Variants in ZNF804A observed in about 807,000 individuals in gnomAD.
The protein encoded by ZNF804A is zinc finger protein 804A.
Under a neutral mutation model 16.5 loss-of-function variants are expected in ZNF804A, and 2 were observed. The observed-to-expected ratio is 0.12, with a 90% CI of 0.05 to 0.38. The LOEUF is 0.38. ZNF804A is among the 10% of genes least tolerant of loss of function. The pLI, the probability that ZNF804A is intolerant of heterozygous loss-of-function variation, is 0.99. For synonymous variants in ZNF804A, 534 were observed against 489.6 expected (o/e 1.09, Z -1.20); for missense variants, 1,473 against 1,390.7 (o/e 1.06, Z -0.94).
intron 1 of ZNF804A, among the ~76,000 whole-genome samples, chr2:184,700,970 A>G (rs1438406911): frequency 6.6e-6 from 1 of 151,994 alleles, no homozygotes; most frequent in Non-Finnish European, 1.5e-5. Context: ...TAGGGAGAAC[A>G]TTCAGAATCC....
intron 3 of ZNF804A, 86 bp from the exon 4 acceptor site, chr2:184,935,697 A>G (rs1685772689): frequency 1.4e-6 from 2 of 1,420,054 alleles, no homozygotes; most frequent in East Asian, 2.5e-5. Context: ...AAAATATTAT[A>G]ATGACTTTTT....
At chr2:184,893,617 A>G (rs1685019716) in intron 2 of ZNF804A, among the ~76,000 whole-genome samples, 1 of 152,128 alleles carries the variant, frequency 6.6e-6, no homozygotes. Flanking sequence ...AATATTTCCT[A>G]ATCTTATTAC....
chr2:184,722,323 T>C (rs1278602340), intron 1 of ZNF804A, among the ~76,000 whole-genome samples: 2 of 152,042 alleles, frequency 1.3e-5, no homozygotes, highest in Admixed American at 1.3e-4. Context: ...TTATGCCGTG[T>C]TTAAGATGGC....
chr2:184,773,643 G>T (rs1694249178), intron 1 of ZNF804A, among the ~76,000 whole-genome samples: 1 of 151,810 alleles, frequency 6.6e-6, no homozygotes, highest in Admixed American at 6.6e-5. Context: ...GAACTTTGGG[G>T]ACTGAGGGAA....
At chr2:184,656,244 T>C (rs1692071511) in intron 1 of ZNF804A, among the ~76,000 whole-genome samples, 1 of 152,134 alleles carries the variant, frequency 6.6e-6, no homozygotes, top group South Asian at 2.1e-4. Context: ...CTAGATATTT[T>C]CTCTGGAACC....
At chr2:184,880,538 C>T (rs1462870313) in intron 2 of ZNF804A, among the ~76,000 whole-genome samples, 1 of 152,026 alleles carries the variant, frequency 6.6e-6, no homozygotes, top group Non-Finnish European at 1.5e-5. Context: ...CTAGTATCAT[C>T]AATTCTTCAT....
intron 1 of ZNF804A, among the ~76,000 whole-genome samples, chr2:184,818,916 T>C (rs1695026647): frequency 6.6e-6 from 1 of 152,104 alleles, no homozygotes; most frequent in Non-Finnish European, 1.5e-5. Context: ...ATAAAGGAAG[T>C]TCTTAGAGAC....
At chr2:184,746,010 A>AT (rs1303945811) in intron 1 of ZNF804A, among the ~76,000 whole-genome samples, 1 of 151,540 alleles carries the variant, frequency 6.6e-6, no homozygotes, top group Non-Finnish European at 1.5e-5. Context: ...ATTAAGCTTT[A>AT]TTTTTTCCCC....
intron 1 of ZNF804A, among the ~76,000 whole-genome samples, chr2:184,653,618 TG>T (rs1355067163): frequency 6.6e-6 from 1 of 152,222 alleles, no homozygotes; most frequent in Non-Finnish European, 1.5e-5. Context: ...GGCATACTTC[TG>T]GAGACTTGCA....
chr2:184,673,551 A>G (rs1692371856), intron 1 of ZNF804A, among the ~76,000 whole-genome samples: 1 of 152,204 alleles, frequency 6.6e-6, no homozygotes, highest in Non-Finnish European at 1.5e-5. Flanking sequence ...TCACTGAAAA[A>G]TTGCACTGCA....
chr2:184,796,571 C>T (rs1694631957), intron 1 of ZNF804A, among the ~76,000 whole-genome samples: 1 of 151,178 alleles, frequency 6.6e-6, no homozygotes, highest in Admixed American at 6.6e-5. Context: ...AAAGAACAAA[C>T]TTTTTGTTTC....
At chr2:184,872,360 T>C (rs976890191) in intron 2 of ZNF804A, among the ~76,000 whole-genome samples, 3 of 152,028 alleles carry the variant, frequency 2.0e-5, no homozygotes, top group African/African-American at 7.2e-5. Flanking sequence ...AACAACAAAA[T>C]AGGGGTTAAA....
intron 1 of ZNF804A, among the ~76,000 whole-genome samples, chr2:184,765,929 T>G (rs1473109486): frequency 6.6e-6 from 1 of 152,194 alleles, no homozygotes; most frequent in South Asian, 2.1e-4. Context: ...TGCAATATTT[T>G]CTACTGAAAT....
intron 1 of ZNF804A, among the ~76,000 whole-genome samples, chr2:184,613,217 A>G (rs938702442): frequency 2.0e-5 from 3 of 152,230 alleles, no homozygotes; most frequent in African/African-American, 7.2e-5. Flanking sequence ...GGTTCAAGGC[A>G]AAACAGACAT....
intron 1 of ZNF804A, among the ~76,000 whole-genome samples, chr2:184,831,711 C>T (rs1695264123): frequency 6.6e-6 from 1 of 151,132 alleles, no homozygotes; most frequent in Non-Finnish European, 1.5e-5. Flanking sequence ...AAAGGAATAT[C>T]CTCCTATGTG....
At chr2:184,670,290 G>A (rs927289141) in intron 1 of ZNF804A, among the ~76,000 whole-genome samples, 1 of 151,910 alleles carries the variant, frequency 6.6e-6, no homozygotes, top group African/African-American at 2.4e-5. Context: ...TACATGGTTT[G>A]TATCTTTAAT....
chr2:184,819,626 G>A (rs1482718820), intron 1 of ZNF804A, among the ~76,000 whole-genome samples: 1 of 151,374 alleles, frequency 6.6e-6, no homozygotes, highest in Non-Finnish European at 1.5e-5. Context: ...CCAATGAATG[G>A]AGGAGCTGTT....
intron 1 of ZNF804A, among the ~76,000 whole-genome samples, chr2:184,780,142 A>G (rs1282432808): frequency 6.6e-6 from 1 of 151,834 alleles, no homozygotes; most frequent in African/African-American, 2.4e-5. Flanking sequence ...AGGTATGAGT[A>G]AGAACATGCC....
At chr2:184,795,729 A>G (rs1694620887) in intron 1 of ZNF804A, among the ~76,000 whole-genome samples, 1 of 152,190 alleles carries the variant, frequency 6.6e-6, no homozygotes, top group Admixed American at 6.5e-5. Flanking sequence ...CTAAGAAATG[A>G]AACAGGATAT....
Sources: gnomAD v4.1 joint callset for allele counts (sites outside exome capture counted in the v4.1 genomes callset) on GRCh38, gnomAD v4.1.1 for gene constraint, MANE v1.5 for transcripts, NCBI Gene and HGNC (gene_info 2026-07-23, HGNC 2026-07-21) for gene names.